The following HERC3 variants were observed in gnomAD, a reference collection of about 807,000 sequenced individuals.
The protein encoded by HERC3 is probable E3 ubiquitin-protein ligase HERC3.
HERC3 carries 58 observed loss-of-function variants against 129.9 expected under a neutral mutation model. The observed-to-expected ratio is 0.45, with a 90% CI of 0.36 to 0.56. HERC3 has a LOEUF of 0.56. Ranked by LOEUF, HERC3 falls within the 20% of genes least tolerant of loss-of-function variation. HERC3 has a pLI of 0.00. For missense variants in HERC3, 835 were observed against 1,244.2 expected, an observed-to-expected ratio of 0.67 and a Z score of 4.95; for synonymous variants, 430 against 451.0, an observed-to-expected ratio of 0.95 and a Z score of 0.59.
chr4:88,594,505 G>T (rs546004372), intron 1 of HERC3, among the ~76,000 whole-genome samples: 3 of 152,214 alleles, frequency 2.0e-5, no homozygotes, highest in African/African-American at 7.2e-5. Context: ...CCAGGCTCAA[G>T]CGAATCTGCC....
At chr4:88,525,406 G>A in the HERC3 span, among the ~76,000 whole-genome samples, 1 of 152,208 alleles carries the variant, frequency 6.6e-6, no homozygotes, top group African/African-American at 2.4e-5. Context: ...GGAAAGATAA[G>A]TTTCTGCTTA....
the HERC3 span, among the ~76,000 whole-genome samples, chr4:88,539,373 C>T: frequency 1.3e-5 from 2 of 152,268 alleles, no homozygotes; most frequent in East Asian, 3.9e-4. Flanking sequence ...GGGAGAGGGG[C>T]ATCCACTATT....
intron 16 of HERC3, among the ~76,000 whole-genome samples, chr4:88,670,481 TA>T (rs1306001503): frequency 6.6e-6 from 1 of 152,040 alleles, no homozygotes; most frequent in African/African-American, 2.4e-5. Flanking sequence ...TTGCCCCCTT[TA>T]AAAAAATCAG....
intron 23 of HERC3, chr4:88,697,186 T>C (rs749423622): frequency 6.7e-7 from 1 of 1,483,598 alleles, no homozygotes; most frequent in East Asian, 2.4e-5. Context: ...GGGCTTTCTC[T>C]TCATCCATCT....
the HERC3 span, among the ~76,000 whole-genome samples, chr4:88,524,371 G>T: frequency 6.6e-6 from 1 of 152,196 alleles, no homozygotes. Flanking sequence ...CTTGGAGGCC[G>T]CAAGGGGCCT....
chr4:88,582,563 C>T, the HERC3 span, among the ~76,000 whole-genome samples: 1 of 152,146 alleles, frequency 6.6e-6, no homozygotes, highest in Non-Finnish European at 1.5e-5. Context: ...AGAAATGTAA[C>T]TGTCTTAAAC....
intron 9 of HERC3, chr4:88,658,157 A>G: frequency 3.5e-6 from 1 of 288,164 alleles, no homozygotes; most frequent in Non-Finnish European, 6.4e-6. Context: ...GAAAAAGAGA[A>G]ACTAGGTCAG....
chr4:88,630,583 T>A (rs1011911489), intron 3 of HERC3, among the ~76,000 whole-genome samples: 1 of 152,196 alleles, frequency 6.6e-6, no homozygotes, highest in African/African-American at 2.4e-5. Flanking sequence ...GAAAGATCTG[T>A]GAAGGATAAA....
At chr4:88,579,885 G>A in the HERC3 span, among the ~76,000 whole-genome samples, 5,995 of 152,252 alleles carry the variant, frequency 0.039, 174 homozygotes, top group Middle Eastern at 0.058. Flanking sequence ...GCCATGAACT[G>A]TTAAATATGG....
intron 23 of HERC3, chr4:88,697,639 C>T (rs781779725): frequency 6.2e-7 from 1 of 1,613,710 alleles, no homozygotes; most frequent in East Asian, 2.2e-5. Context: ...ACCAGCCGCG[C>T]TGTCACAGTC....
chr4:88,578,169 ATGT>A, the HERC3 span, among the ~76,000 whole-genome samples: 1 of 152,254 alleles, frequency 6.6e-6, no homozygotes, highest in Non-Finnish European at 1.5e-5. Flanking sequence ...GACCATATCA[ATGT>A]TGTGAAAATA....
At chr4:88,681,057 T>C in intron 20 of HERC3, 102 bp from the exon 21 acceptor site, 1 of 1,469,900 alleles carries the variant, frequency 6.8e-7, no homozygotes, top group East Asian at 2.3e-5. Context: ...TAATGAGACC[T>C]TTATTCTTTT....
intron 3 of HERC3, among the ~76,000 whole-genome samples, chr4:88,638,379 A>G (rs1727672757): frequency 6.6e-6 from 1 of 152,214 alleles, no homozygotes; most frequent in Non-Finnish European, 1.5e-5. Context: ...CAGCACATCA[A>G]AAAGCTTATT....
chr4:88,703,247 C>G (rs902774506), intron 23 of HERC3, among the ~76,000 whole-genome samples: 2 of 152,138 alleles, frequency 1.3e-5, no homozygotes, highest in Admixed American at 1.3e-4. Flanking sequence ...TACCTGAAGC[C>G]TTCCCTCTTT....
chr4:88,618,073 A>G (rs1230226035), intron 3 of HERC3, among the ~76,000 whole-genome samples: 5 of 152,226 alleles, frequency 3.3e-5, no homozygotes, highest in African/African-American at 1.2e-4. Flanking sequence ...TGGAGATAAC[A>G]GTTGTGCTGA....
chr4:88,705,219 A>G (rs973362742), intron 25 of HERC3, among the ~76,000 whole-genome samples: 4 of 152,210 alleles, frequency 2.6e-5, no homozygotes, highest in East Asian at 1.9e-4. Context: ...AAGTTATTCA[A>G]GTATTCCATT....
At chr4:88,606,134 C>A in intron 3 of HERC3, 85 bp downstream of exon 3, 2 of 1,078,046 alleles carry the variant, frequency 1.9e-6, no homozygotes, top group South Asian at 1.5e-5. Flanking sequence ...GGAGCTTTCT[C>A]CACCAAGTGT....
intron 14 of HERC3, among the ~76,000 whole-genome samples, chr4:88,668,305 T>C (rs1262990389): frequency 6.6e-6 from 1 of 152,178 alleles, no homozygotes; most frequent in African/African-American, 2.4e-5. Context: ...GCCAGAATAA[T>C]CTTGATTTTA....
At chr4:88,614,166 GATAC>G (rs1724657182) in intron 3 of HERC3, among the ~76,000 whole-genome samples, 1 of 152,158 alleles carries the variant, frequency 6.6e-6, no homozygotes, top group Admixed American at 6.5e-5. Flanking sequence ...AGTGGTTAAT[GATAC>G]ATATATAAGC....
Sources: allele counts gnomAD v4.1 joint callset (sites outside exome capture counted in the v4.1 genomes callset), GRCh38; gene constraint gnomAD v4.1.1; transcripts MANE v1.5; gene names NCBI Gene and HGNC (gene_info 2026-07-23, HGNC 2026-07-21).